CSMD1: variants seen among roughly 807,000 people sequenced by gnomAD.
The protein encoded by CSMD1 is CUB and sushi domain-containing protein 1.
In CSMD1, 213 loss-of-function variants were observed where a neutral mutation model predicts 417.5. The observed-to-expected ratio is 0.51, with a 90% confidence interval of 0.46 to 0.57. The LOEUF is 0.57. Ranked by LOEUF, CSMD1 falls within the 20% of genes least tolerant of loss-of-function variation. The pLI, the probability that CSMD1 is intolerant of heterozygous loss-of-function variation, is 0.00. For missense variants in CSMD1, 6,923 were observed against 4,529.7 expected (o/e 1.53, Z -15.17); for synonymous variants, 2,862 against 1,736.8 (o/e 1.65, Z -16.11).
intron 4 of CSMD1, among the ~76,000 whole-genome samples, chr8:4,014,227 G>T (rs796720406): frequency 2.6e-5 from 4 of 152,120 alleles, no homozygotes; most frequent in African/African-American, 9.6e-5. Context: ...CTTTCCTTAG[G>T]AAAAAAATCT....
At position 4,140,283 on chromosome 8, in the gene CSMD1, G is replaced by C. The variant is rs371534569; in HGVS notation, c.416-108184C>G. On this transcript the variant is annotated intron_variant, in intron 3 of 69. Coordinates refer to ENST00000635120, the MANE Select transcript of CSMD1 (RefSeq NM_033225.6). ...AAGCTAAGGCGGGTGGATCACTTGA[G>C]GTCAGGAGTTTGAGACCAGCCTGAC... 3.0e-4 allele frequency among the ~76,000 whole-genome samples: 45 copies of C among 151,022 alleles called. 1 individual carries two copies. The South Asian group carries it at 6.6e-3, about 22-fold the overall frequency.
At chr8:4,160,142 A>G (rs924604671) in intron 3 of CSMD1, among the ~76,000 whole-genome samples, 2 of 152,070 alleles carry the variant, frequency 1.3e-5, no homozygotes, top group African/African-American at 2.4e-5. Context: ...AATTCCAAGT[A>G]TTAACTTTGA....
chr8:3,802,137 CA>C (rs1800490174), intron 5 of CSMD1, among the ~76,000 whole-genome samples: 1 of 152,070 alleles, frequency 6.6e-6, no homozygotes, highest in African/African-American at 2.4e-5. Context: ...AAAATATCCT[CA>C]GATACTGCAG....
At chr8:4,326,854 G>C (rs958000506) in intron 3 of CSMD1, among the ~76,000 whole-genome samples, 1 of 152,082 alleles carries the variant, frequency 6.6e-6, no homozygotes, top group East Asian at 1.9e-4. Flanking sequence ...CACAGGTGAA[G>C]CTTTGGGAAA....
chr8:3,195,499 T>G (rs1418617365), intron 33 of CSMD1, among the ~76,000 whole-genome samples: 3 of 152,214 alleles, frequency 2.0e-5, no homozygotes, highest in Non-Finnish European at 4.4e-5. Flanking sequence ...CTGGAGTTAC[T>G]AAGAAACAGT....
chr8:3,440,623 T>C (rs573326832), intron 12 of CSMD1, among the ~76,000 whole-genome samples: 143 of 152,308 alleles, frequency 9.4e-4, no homozygotes, highest in African/African-American at 2.8e-3. Flanking sequence ...TTCTTTGCAA[T>C]CTGTATGCCC....
intron 21 of CSMD1, among the ~76,000 whole-genome samples, chr8:3,356,260 T>C (rs1808783863): frequency 6.6e-6 from 1 of 152,252 alleles, no homozygotes; most frequent in African/African-American, 2.4e-5. Flanking sequence ...ATGAATCAAA[T>C]TTTTGAGATG....
chr8:4,040,996 T>TTTTC (rs144130467), intron 3 of CSMD1, among the ~76,000 whole-genome samples: 57,478 of 128,306 alleles, frequency 0.45, 14,118 homozygotes, highest in African/African-American at 0.68. Flanking sequence ...CTATATTTTC[T>TTTTC]TTTCTTTCTT....
intron 5 of CSMD1, among the ~76,000 whole-genome samples, chr8:3,914,212 G>T (rs574801124): frequency 6.6e-6 from 1 of 152,208 alleles, no homozygotes; most frequent in South Asian, 2.1e-4. Flanking sequence ...TAAGTAACTT[G>T]AGCACCTGCA....
chr8:4,093,503 T>G (rs1800826889), intron 3 of CSMD1, among the ~76,000 whole-genome samples: 1 of 152,228 alleles, frequency 6.6e-6, no homozygotes, highest in Non-Finnish European at 1.5e-5. Context: ...TGTTAGCTCA[T>G]GATTCAAAGG....
chr8:3,465,437 T>C (rs192003070), intron 12 of CSMD1, among the ~76,000 whole-genome samples: 424 of 152,098 alleles, frequency 2.8e-3, no homozygotes, highest in Non-Finnish European at 4.7e-3. Context: ...GTGGGTAGAG[T>C]GGACCCAAGG....
At chr8:3,343,130 G>T (rs1032552338) in intron 23 of CSMD1, among the ~76,000 whole-genome samples, 164 bp downstream of exon 23, 62 of 152,088 alleles carry the variant, frequency 4.1e-4, no homozygotes, top group African/African-American at 1.5e-3. Context: ...TACTAGTAAT[G>T]TGTCCGAATA....
intron 3 of CSMD1, among the ~76,000 whole-genome samples, chr8:4,362,057 G>C (rs1234306675): frequency 2.6e-5 from 4 of 152,102 alleles, no homozygotes; most frequent in Admixed American, 6.6e-5. Flanking sequence ...TAAGGAACCT[G>C]TGAAAATAAA....
chr8:4,890,250 G>C (rs2028235), intron 1 of CSMD1, among the ~76,000 whole-genome samples: 147,768 of 152,168 alleles, frequency 0.97, 71,783 homozygotes, highest in East Asian at 1. Flanking sequence ...CAGCACGATA[G>C]AGTGGAGTGA....
At chr8:4,832,604 C>T (rs966781528) in intron 1 of CSMD1, among the ~76,000 whole-genome samples, 31 of 152,168 alleles carry the variant, frequency 2.0e-4, no homozygotes, top group African/African-American at 6.8e-4. Context: ...TACTAGCTGA[C>T]ACTTAGGGAT....
chr8:4,027,312 G>C (rs1797113371), intron 4 of CSMD1, among the ~76,000 whole-genome samples: 1 of 152,152 alleles, frequency 6.6e-6, no homozygotes, highest in Non-Finnish European at 1.5e-5. Flanking sequence ...GTAGAAAGTA[G>C]GATGATGGTA....
chr8:3,267,230 C>G (rs1347317265), intron 26 of CSMD1, among the ~76,000 whole-genome samples: 1 of 152,152 alleles, frequency 6.6e-6, no homozygotes, highest in Non-Finnish European at 1.5e-5. Flanking sequence ...CAGTGGCTCA[C>G]TGCTAGCTTG....
At chr8:4,899,002 A>T (rs2117034799) in intron 1 of CSMD1, among the ~76,000 whole-genome samples, 1 of 152,300 alleles carries the variant, frequency 6.6e-6, no homozygotes, top group East Asian at 1.9e-4. Flanking sequence ...AAAAATAGAA[A>T]AGTGAGAGTT....
At chr8:3,556,210 T>C (rs1329406215) in intron 10 of CSMD1, among the ~76,000 whole-genome samples, 4 of 151,752 alleles carry the variant, frequency 2.6e-5, no homozygotes, top group Non-Finnish European at 5.9e-5. Context: ...GACTTTTGTT[T>C]GTTACAGTAG....
Sources: allele counts gnomAD v4.1 joint callset (sites outside exome capture counted in the v4.1 genomes callset), GRCh38; gene constraint gnomAD v4.1.1; transcripts MANE v1.5; gene names NCBI Gene and HGNC (gene_info 2026-07-23, HGNC 2026-07-21).